ENTREP2: variants seen among roughly 807,000 people sequenced by gnomAD.
ENTREP2 encodes the protein endosomal transmembrane epsin interactor 2.
At chr15:29,375,404 C>G in the ENTREP2 span, 1 of 152,248 alleles carries the variant, frequency 6.6e-6, no homozygotes, top group Non-Finnish European at 1.5e-5. Flanking sequence ...TCTCCAGAAC[C>G]CTCTACTTGA....
chr15:29,545,190 C>T, the ENTREP2 span, among the ~76,000 whole-genome samples: 4,941 of 152,248 alleles, frequency 0.032, 97 homozygotes, highest in Middle Eastern at 0.085. Context: ...GTCCTAAGTC[C>T]CAGCTGACTT....
the ENTREP2 span, among the ~76,000 whole-genome samples, chr15:29,498,281 T>G: frequency 2.0e-5 from 3 of 152,212 alleles, no homozygotes; most frequent in African/African-American, 7.2e-5. Flanking sequence ...TCAGTATCTT[T>G]ATAACAGTGT....
the ENTREP2 span, among the ~76,000 whole-genome samples, chr15:29,549,694 C>G: frequency 6.6e-6 from 1 of 152,180 alleles, no homozygotes; most frequent in Admixed American, 6.5e-5. Context: ...CTGCTCTGCC[C>G]AGTTCATCCC....
At chr15:29,269,759 G>A in the ENTREP2 span, 6 of 1,407,688 alleles carry the variant, frequency 4.3e-6, no homozygotes, top group South Asian at 3.2e-5. Context: ...GCCGCGGCGG[G>A]GATTGCGGGT....
At chr15:29,118,902 C>T in the ENTREP2 span, among the ~76,000 whole-genome samples, 2 of 152,208 alleles carry the variant, frequency 1.3e-5, no homozygotes, top group Non-Finnish European at 2.9e-5. Flanking sequence ...TGGGGTCCAG[C>T]TGGGTTAGGC....
chr15:29,186,951 T>C, the ENTREP2 span, among the ~76,000 whole-genome samples: 2 of 152,212 alleles, frequency 1.3e-5, no homozygotes, highest in African/African-American at 4.8e-5. Flanking sequence ...GGTATGTGTA[T>C]ACATGGCCAA....
chr15:29,225,276 G>A, the ENTREP2 span, among the ~76,000 whole-genome samples: 3 of 152,270 alleles, frequency 2.0e-5, no homozygotes, highest in African/African-American at 7.2e-5. Context: ...GAGCCAGAGA[G>A]GGCTGTGAGG....
the ENTREP2 span, among the ~76,000 whole-genome samples, chr15:29,335,106 C>T: frequency 6.6e-6 from 1 of 152,294 alleles, no homozygotes; most frequent in East Asian, 1.9e-4. Context: ...ACTGGTCTGT[C>T]TCTGGGTCAT....
At chr15:29,500,575 C>T in the ENTREP2 span, among the ~76,000 whole-genome samples, 1 of 152,002 alleles carries the variant, frequency 6.6e-6, no homozygotes, top group South Asian at 2.1e-4. Context: ...AAAGCTTAAT[C>T]TTTCATATCA....
the ENTREP2 span, among the ~76,000 whole-genome samples, chr15:29,243,182 C>A: frequency 6.6e-6 from 1 of 152,192 alleles, no homozygotes; most frequent in African/African-American, 2.4e-5. Flanking sequence ...TTGATCACAA[C>A]AAGCTGGGAA....
the ENTREP2 span, among the ~76,000 whole-genome samples, chr15:29,337,343 G>A: frequency 6.6e-6 from 1 of 152,190 alleles, no homozygotes; most frequent in African/African-American, 2.4e-5. Flanking sequence ...CAGTGTGGGT[G>A]GAGATGCAAA....
At chr15:29,267,380 C>T in the ENTREP2 span, 1 of 152,198 alleles carries the variant, frequency 6.6e-6, no homozygotes, top group African/African-American at 2.4e-5. Context: ...GGACTATGAA[C>T]TCTTCTAGTT....
the ENTREP2 span, among the ~76,000 whole-genome samples, chr15:29,451,597 G>A: frequency 6.6e-6 from 1 of 152,220 alleles, no homozygotes; most frequent in South Asian, 2.1e-4. Context: ...ATGCATGAAA[G>A]GATGGTTCAA....
the ENTREP2 span, among the ~76,000 whole-genome samples, chr15:29,395,354 C>A: frequency 2.0e-5 from 3 of 151,966 alleles, no homozygotes; most frequent in African/African-American, 2.4e-5. Flanking sequence ...TCTTTCAATT[C>A]TTTTGGGTAT....
the ENTREP2 span, among the ~76,000 whole-genome samples, chr15:29,309,680 T>C: frequency 1.5e-4 from 23 of 151,878 alleles, 1 homozygote; most frequent in Middle Eastern, 3.4e-3. Context: ...TCTCAGCTAC[T>C]TGGGAGGCTG....
At chr15:29,629,371 GT>G in the ENTREP2 span, among the ~76,000 whole-genome samples, 1 of 152,092 alleles carries the variant, frequency 6.6e-6, no homozygotes, top group Non-Finnish European at 1.5e-5. Context: ...TCCAGTTCTT[GT>G]TCCTTTGTGT....
At chr15:29,478,003 ATAT>A in the ENTREP2 span, among the ~76,000 whole-genome samples, 1 of 73,494 alleles carries the variant, frequency 1.4e-5, no homozygotes, top group Admixed American at 1.3e-4. Flanking sequence ...CTATATATAT[ATAT>A]ATATATATAT....
At chr15:29,399,707 C>G in the ENTREP2 span, among the ~76,000 whole-genome samples, 154 of 152,312 alleles carry the variant, frequency 1.0e-3, no homozygotes, top group African/African-American at 3.6e-3. Flanking sequence ...GACTGGAAGT[C>G]TTACCAATCA....
chr15:29,551,334 G>A, the ENTREP2 span, among the ~76,000 whole-genome samples: 6 of 152,176 alleles, frequency 3.9e-5, no homozygotes, highest in Middle Eastern at 3.2e-3. Flanking sequence ...CATGCTGAGC[G>A]ATGGTCACAG....
Sources: allele counts gnomAD v4.1 joint callset (sites outside exome capture counted in the v4.1 genomes callset), GRCh38; gene constraint gnomAD v4.1.1; transcripts MANE v1.5; gene names NCBI Gene and HGNC (gene_info 2026-07-23, HGNC 2026-07-21).